Variants in EBP observed in about 807,000 individuals in gnomAD.
EBP encodes 3-beta-hydroxysteroid-Delta(8),Delta(7)-isomerase.
Under a neutral mutation model 14.1 loss-of-function variants are expected in EBP, and 1 was observed. The ratio of observed to expected loss-of-function variants is 0.07; its 90% CI spans 0.03 to 0.34. EBP has a LOEUF of 0.34. Ranked by LOEUF, EBP falls within the 10% of genes least tolerant of loss-of-function variation. EBP has a pLI of 0.99. For missense variants in EBP, 123 were observed against 184.6 expected (o/e 0.67, Z 1.93); for synonymous variants, 72 against 77.7 (o/e 0.93, Z 0.38).
At chrX:48,526,892 T>C in intron 2 of EBP, 97 bp from the exon 3 acceptor site, 2 of 986,191 alleles carry the variant, frequency 2.0e-6, no homozygotes, top group South Asian at 1.9e-5. Context: ...CATGGGAAGG[T>C]TATGAAGTCT....
chrX:48,525,536 T>A (rs1447983607), intron 2 of EBP, among the ~76,000 whole-genome samples: 3 of 108,193 alleles, frequency 2.8e-5, no homozygotes, highest in Non-Finnish European at 5.8e-5. Flanking sequence ...ACCAAGTTAT[T>A]TTTTTTTTAA....
chrX:48,523,277 G>C (rs1352241869), intron 1 of EBP, among the ~76,000 whole-genome samples: 1 of 111,654 alleles, frequency 9.0e-6, no homozygotes, highest in Non-Finnish European at 1.9e-5. Context: ...AATGTAGGCC[G>C]GGCGCAGTGG....
chrX:48,523,760 G>C lies in EBP; in HGVS notation c.-12G>C. The C allele has an allele frequency of 8.6e-7, 1 of 1,165,256 alleles. No individual in the cohort carries two copies. The highest frequency in any genetic ancestry group is 1.2e-6 in the Non-Finnish European group (1 of 869,453). On this transcript the variant is annotated 5_prime_UTR_variant, in exon 2 of 5. Transcript: ENST00000495186. ...CCTGCCTATACACACGCAGCCATCA[G>C]CCCACAAAGACATGACTACCAACGC...
At position 48,526,694 on chromosome X, in the gene EBP, T is replaced by C. The variant is rs192634081; in HGVS notation, c.302-295T>C. ...CACTCATCTGTTCACCTACATTCTC[T>C]CTCTCTCATTGGCTACTTCACTCAC... On this transcript the variant is annotated intron_variant, in intron 2 of 4. Coordinates refer to ENST00000495186, the MANE Select transcript of EBP (RefSeq NM_006579.3). Among the ~76,000 whole-genome samples the C allele has an allele frequency of 3.6e-5, 4 of 112,008 alleles. No homozygotes were observed. The East Asian group carries it at 1.1e-3, about 31-fold the overall frequency.
intron 4 of EBP, 111 bp from the exon 5 acceptor site, chrX:48,528,123 A>T (rs2061784505): frequency 3.3e-6 from 2 of 603,021 alleles, no homozygotes; most frequent in Non-Finnish European, 5.2e-6. Context: ...ATTTCAGAAT[A>T]CTTAGCTCTG....
Position 48,528,612 on chromosome X carries a change from G to A in EBP, c.*155G>A. ...ACAAGAAGGGGAATAAAGGGGCTGTGTGAAGGCACTGCTGGGAGCCATTAG... is the reference window on the plus strand; with the variant it reads ...ACAAGAAGGGGAATAAAGGGGCTGTATGAAGGCACTGCTGGGAGCCATTAG... On this transcript the variant is annotated 3_prime_UTR_variant, in exon 5 of 5. Transcript: ENST00000495186. The A allele has an allele frequency of 1.9e-6, 1 of 524,803 alleles. No individual in the cohort carries two copies. Among genetic ancestry groups the A allele is most frequent in the Non-Finnish European group, 3.3e-6 (1 of 305,992 alleles). 43.2% of individuals were successfully genotyped at this position (524,803 alleles called of 1,213,427 possible). A position where few individuals can be genotyped will look rare whatever the true frequency, so the allele number is the denominator to read the frequency against.
chrX:48,523,798 C>G lies in EBP; in HGVS notation c.27C>G (p.His9Gln), dbSNP rs782507776. 46 of 1,203,808 alleles carry G rather than the reference C, an allele frequency of 3.8e-5. No homozygotes were observed. Among genetic ancestry groups the G allele is most frequent in the Non-Finnish European group, 4.7e-5 (42 of 893,090 alleles). ...TGACTACCAACGCGGGCCCCTTGCACCCATACTGGCCTCAGCACCTAAGAC... is the reference window on the plus strand; with the variant it reads ...TGACTACCAACGCGGGCCCCTTGCAGCCATACTGGCCTCAGCACCTAAGAC... MTTNAGPL[H>Q]PYWPQHLRLD... Residue 9 changes from histidine (H) to glutamine (Q), a missense_variant, in exon 2 of 5, where the codon CAC (histidine) becomes CAG (glutamine). By Grantham distance (24) the His-to-Gln change is conservative. Transcript: ENST00000495186.
At chrX:48,524,138 T>C in intron 2 of EBP, 66 bp downstream of exon 2, 1 of 1,011,973 alleles carries the variant, frequency 9.9e-7, no homozygotes, top group South Asian at 2.0e-5. Context: ...GCTTGCATGT[T>C]TACCTATCCA....
intron 4 of EBP, chrX:48,527,501 T>C (rs1286120715): frequency 1.9e-5 from 10 of 532,336 alleles, no homozygotes; most frequent in Non-Finnish European, 3.0e-5. Context: ...CTCCTCCTCC[T>C]TCTCCATCAC....
rs781939301 is a variant in EBP at position 48,523,990 on chromosome X, G to A, written c.219G>A (p.Gly73=). ...RLSLCWFAVC[G]FIHLVIEGWF... ...CCCTGTGCTGGTTTGCAGTGTGTGGGTTCATTCACCTGGTGATCGAGGGCT... is the reference window on the plus strand; with the variant it reads ...CCCTGTGCTGGTTTGCAGTGTGTGGATTCATTCACCTGGTGATCGAGGGCT... Residue 73 remains glycine, a synonymous_variant, in exon 2 of 5, where the codon GGG becomes GGA. Coordinates refer to ENST00000495186, the MANE Select transcript of EBP (RefSeq NM_006579.3). 5.6e-5 allele frequency: 68 copies of A among 1,209,331 alleles called. 1 individual carries two copies. In the South Asian group the frequency reaches 6.5e-4, roughly 12 times the overall value.
At chrX:48,525,115 T>C (rs1406014296) in intron 2 of EBP, among the ~76,000 whole-genome samples, 1 of 112,475 alleles carries the variant, frequency 8.9e-6, no homozygotes, top group East Asian at 2.8e-4. Context: ...GCACTGTTGA[T>C]AGTTGTTTAT....
In EBP at chrX:48,523,649, CTA is replaced by C; in HGVS notation, c.-73-48_-73-47del. The C allele has an allele frequency of 8.2e-6, 6 of 735,610 alleles. No individual in the cohort carries two copies. The South Asian group carries it at 1.5e-4, about 19-fold the overall frequency. The allele number at this position is 735,610 out of a possible 1,213,427, so 60.6% of individuals were successfully genotyped here. On this transcript the variant is annotated intron_variant, in intron 1 of 4. Transcript: ENST00000495186. ...CATTTACATTTCTCATGATAATAAA[CTA>C]TTTGAATTTGATTTTATTATCTCAT... is the stretch of plus-strand genomic sequence containing the variant.
chrX:48,522,759 G>A (rs1556976798), intron 1 of EBP, among the ~76,000 whole-genome samples: 6 of 111,919 alleles, frequency 5.4e-5, no homozygotes. Context: ...TGCAGCCTCT[G>A]CCTCCCAGGT....
rs2147154752 is a variant in EBP at position 48,524,054 on chromosome X, G to A, written c.283G>A (p.Ala95Thr). The A allele has an allele frequency of 1.7e-6, 2 of 1,211,592 alleles. No homozygotes were observed. The highest frequency in any genetic ancestry group is 4.3e-5 in the Admixed American group (2 of 45,984). Residue 95 changes from alanine to threonine, a missense_variant, in exon 2 of 5, where the codon GCC becomes ACC. Ala to Thr is a moderately conservative substitution (Grantham distance 58). Coordinates refer to ENST00000495186, the MANE Select transcript of EBP (RefSeq NM_006579.3). ...LYYEDLLGDQAFLSQLWKEYA... is the reference protein window; with the variant it reads ...LYYEDLLGDQTFLSQLWKEYA... The stretch of plus-strand genomic sequence containing the variant: ...CTACGAAGACCTGCTTGGAGACCAA[G>A]CCTTCTTATCTCAACTCTGTGAGTC...
In EBP at chrX:48,523,900, C is replaced by G. The variant is rs782150594; in HGVS notation, c.129C>G (p.Val43=). Residue 43 remains valine, a synonymous_variant, in exon 2 of 5, where the codon GTC becomes GTG. Transcript: ENST00000495186. ...AGLFSVTGVL[V]VTTWLLSGRA... is the part of the protein sequence containing the mutation. ...TCTTCTCTGTCACAGGGGTCTTAGT[C>G]GTGACCACATGGCTGTTGTCAGGTC... The G allele has an allele frequency of 8.3e-7, 1 of 1,211,293 alleles. No individual in the cohort carries two copies. The highest frequency in any genetic ancestry group is 1.8e-5 in the South Asian group (1 of 56,973).
rs782221398 is a variant in EBP, at chrX:48,528,430, C to T, written c.666C>T (p.Ala222=). The change falls in exon 5 of 5, where the codon GCC becomes GCT. Residue 222 remains alanine, a synonymous_variant. Coordinates refer to ENST00000495186, the MANE Select transcript of EBP (RefSeq NM_006579.3). ...THAQSTLDAK[A]TKAKSKKN ...CCCAGAGCACGCTGGATGCCAAGGC[C>T]ACAAAAGCCAAGAGCAAGAAGAACT... 2.7e-5 allele frequency: 31 copies of T among 1,168,255 alleles called. No individual in the cohort carries two copies. The Admixed American group carries it at 7.5e-4, about 28-fold the overall frequency.
intron 2 of EBP, 163 bp from the exon 3 acceptor site, chrX:48,526,826 A>G: frequency 1.8e-6 from 1 of 567,263 alleles, no homozygotes; most frequent in South Asian, 2.5e-5. Flanking sequence ...TGTTTTAGAG[A>G]AATAAACCAC....
chrX:48,527,383 G>A, intron 4 of EBP, 98 bp downstream of exon 4: 4 of 1,165,377 alleles, frequency 3.4e-6, no homozygotes, highest in Non-Finnish European at 4.6e-6. Flanking sequence ...TCTCAACGGT[G>A]CCCTTCCAGG....
intron 2 of EBP, among the ~76,000 whole-genome samples, chrX:48,526,175 A>G (rs1556977430): frequency 9.4e-6 from 1 of 106,433 alleles, no homozygotes; most frequent in Non-Finnish European, 1.9e-5. Context: ...TAGTCATTCC[A>G]GTAGATGTGA....
Sources: gnomAD v4.1 joint callset for allele counts (sites outside exome capture counted in the v4.1 genomes callset) on GRCh38, gnomAD v4.1.1 for gene constraint, MANE v1.5 for transcripts, NCBI Gene and HGNC (gene_info 2026-07-23, HGNC 2026-07-21) for gene names.